The following APPL1 variants were observed in gnomAD, a reference collection of about 807,000 sequenced individuals.
The protein encoded by APPL1 is DCC-interacting protein 13-alpha.
In APPL1, 42 loss-of-function variants were observed where a neutral mutation model predicts 106.8. That is an observed-to-expected ratio of 0.39 (90% CI 0.31 to 0.51). APPL1 has a LOEUF of 0.51. Among genes scored for constraint, APPL1 ranks in the 20% least tolerant of loss-of-function variants. The probability of loss-of-function intolerance (pLI) is 0.75; values close to 1 mark genes in which losing one functional copy is unlikely to be tolerated. For synonymous variants in APPL1, 263 were observed against 281.8 expected (o/e 0.93, Z 0.67); for missense variants, 769 against 858.2 (o/e 0.90, Z 1.30).
chr3:57,249,913 A>G (rs1179098731), intron 11 of APPL1, among the ~76,000 whole-genome samples: 1 of 152,196 alleles, frequency 6.6e-6, no homozygotes, highest in Non-Finnish European at 1.5e-5. Flanking sequence ...GGTCTCAGAC[A>G]GTACAGTAAT....
chr3:57,262,800 TG>T (rs1321724774), intron 19 of APPL1, among the ~76,000 whole-genome samples: 6 of 151,556 alleles, frequency 4.0e-5, no homozygotes, highest in African/African-American at 1.5e-4. Context: ...TTTCGTTTTT[TG>T]TGGGTACAAG....
rs148472170 is a variant in APPL1, at chr3:57,245,659, C to T, written c.475-417C>T. 1.9e-3 allele frequency among the ~76,000 whole-genome samples: 287 copies of T among 152,042 alleles called. 1 individual carries two copies. The highest frequency in any genetic ancestry group is 6.7e-3 in the African/African-American group (279 of 41,482). ...CCAGGGTGAAGCTATTCTCATGCCT[C>T]GGCCTCCCCAGTAGCTGGAATTATA... is the stretch of plus-strand genomic sequence containing the variant. On this transcript the variant is annotated intron_variant, in intron 7 of 21. Coordinates refer to ENST00000288266, the MANE Select transcript of APPL1 (RefSeq NM_012096.3).
chr3:57,266,493 T>A (rs1282031385), intron 19 of APPL1, among the ~76,000 whole-genome samples: 1 of 152,222 alleles, frequency 6.6e-6, no homozygotes, highest in Non-Finnish European at 1.5e-5. Context: ...TAGTTGCTCA[T>A]AGTAGCCACG....
At chr3:57,260,231 A>C in intron 18 of APPL1, 78 bp downstream of exon 18, 1 of 1,419,180 alleles carries the variant, frequency 7.0e-7, no homozygotes, top group South Asian at 1.3e-5. Context: ...AATAATCCTG[A>C]TCCTGTATAT....
chr3:57,244,515 T>G (rs2060762970), intron 7 of APPL1, among the ~76,000 whole-genome samples: 2 of 152,052 alleles, frequency 1.3e-5, no homozygotes. Flanking sequence ...ATAACACCAG[T>G]TTGGAATCGG....
rs373408408 is a variant in APPL1 at position 57,248,291 on chromosome 3, C to G, written c.803C>G (p.Pro268Arg). Residue 268 changes from proline (P) to arginine (R), a missense_variant, in exon 10 of 22, where the codon CCC (proline) becomes CGC (arginine). Transcript: ENST00000288266. ...SDPLYVPDPD[P>R]TKFPVNRNLT... ...CCCTTATATGTGCCTGACCCAGACCCCACCAAATTTCCTGTTAATCGAAAT... is the reference window on the plus strand; with the variant it reads ...CCCTTATATGTGCCTGACCCAGACCGCACCAAATTTCCTGTTAATCGAAAT... The G allele has an allele frequency of 1.8e-5, 29 of 1,613,948 alleles. No homozygotes were observed. The highest frequency in any genetic ancestry group is 2.4e-5 in the Non-Finnish European group (28 of 1,180,034).
intron 3 of APPL1, 49 bp from the exon 4 acceptor site, chr3:57,237,996 C>A: frequency 1.0e-5 from 14 of 1,392,146 alleles, no homozygotes; most frequent in Non-Finnish European, 1.4e-5. Context: ...ATGTCATTCC[C>A]AAAAGACACA....
At chr3:57,234,269 T>C (rs971401293) in intron 1 of APPL1, among the ~76,000 whole-genome samples, 7 of 152,020 alleles carry the variant, frequency 4.6e-5, no homozygotes, top group African/African-American at 1.7e-4. Flanking sequence ...TTAGTTTCCT[T>C]ATCTTTGACA....
Position 57,240,501 on chromosome 3 carries a change from G to A in APPL1, c.322G>A (p.Ala108Thr). Residue 108 changes from alanine to threonine, a missense_variant, in exon 5 of 22, where the codon GCT becomes ACT. Transcript: ENST00000288266. ...TCATGCAGTGCTTTCAACTCAACTT[G>A]CTGATGCCATGATGTTCCCCATTAC... The part of the protein sequence containing the change: ...SCHAVLSTQL[A>T]DAMMFPITQF... 6.2e-7 allele frequency: 1 copy of A among 1,613,772 alleles called. No individual in the cohort carries two copies. Among genetic ancestry groups the A allele is most frequent in the Non-Finnish European group, 8.5e-7 (1 of 1,179,854 alleles).
chr3:57,258,926 C>A (rs1559512890), intron 15 of APPL1, 102 bp from the exon 16 acceptor site: 5 of 732,708 alleles, frequency 6.8e-6, no homozygotes, highest in Non-Finnish European at 1.1e-5. Context: ...CATTTTAGAG[C>A]TTTTTTTTTT....
At chr3:57,250,420 A>G (rs1356142432) in intron 11 of APPL1, among the ~76,000 whole-genome samples, 1 of 152,152 alleles carries the variant, frequency 6.6e-6, no homozygotes, top group African/African-American at 2.4e-5. Flanking sequence ...GATCATAGGC[A>G]TGAGCCAGCA....
At chr3:57,265,987 T>A (rs921696076) in intron 19 of APPL1, among the ~76,000 whole-genome samples, 3 of 152,250 alleles carry the variant, frequency 2.0e-5, no homozygotes, top group Non-Finnish European at 2.9e-5. Context: ...GTTGATGTGA[T>A]GTAGCATATT....
At chr3:57,268,329 T>G in intron 20 of APPL1, 69 bp from the exon 21 acceptor site, 1 of 1,394,240 alleles carries the variant, frequency 7.2e-7, no homozygotes, top group Non-Finnish European at 9.7e-7. Context: ...CATGTGATAT[T>G]AACTGAAATG....
chr3:57,248,936 A>G (rs1163109364), intron 10 of APPL1, among the ~76,000 whole-genome samples: 1 of 152,216 alleles, frequency 6.6e-6, no homozygotes, highest in Non-Finnish European at 1.5e-5. Context: ...TCATAACATG[A>G]GAATGCTATG....
chr3:57,256,934 C>G (rs1559512323), intron 13 of APPL1, 23 bp from the exon 14 acceptor site: 2 of 1,608,210 alleles, frequency 1.2e-6, no homozygotes, highest in South Asian at 2.2e-5. Flanking sequence ...AATATTAGTC[C>G]TTTTTTAAAA....
intron 4 of APPL1, among the ~76,000 whole-genome samples, chr3:57,240,036 T>G (rs1399766529): frequency 6.6e-6 from 1 of 152,084 alleles, no homozygotes; most frequent in Admixed American, 6.5e-5. Context: ...CGTTTTTAAA[T>G]TGGTTGTCTT....
intron 19 of APPL1, 38 bp from the exon 20 acceptor site, chr3:57,267,704 A>C: frequency 6.3e-7 from 1 of 1,594,756 alleles, no homozygotes; most frequent in Non-Finnish European, 8.6e-7. Context: ...CTTTGTTGTG[A>C]GAACTGCCTG....
intron 1 of APPL1, 35 bp downstream of exon 1, chr3:57,227,972 GC>G: frequency 1.4e-6 from 2 of 1,403,738 alleles, no homozygotes; most frequent in Non-Finnish European, 9.4e-7. Flanking sequence ...ACGAGGGAGA[GC>G]CCAGCTGGCC....
intron 11 of APPL1, 139 bp from the exon 12 acceptor site, chr3:57,252,130 C>A (rs772511317): frequency 1.4e-6 from 1 of 690,994 alleles, no homozygotes; most frequent in South Asian, 1.8e-5. Context: ...CCTAAGATAC[C>A]GTTGGTTGTG....
Sources: gnomAD v4.1 joint callset for allele counts (sites outside exome capture counted in the v4.1 genomes callset) on GRCh38, gnomAD v4.1.1 for gene constraint, MANE v1.5 for transcripts, NCBI Gene and HGNC (gene_info 2026-07-23, HGNC 2026-07-21) for gene names.